The following NINL variants were observed in gnomAD, a reference collection of about 807,000 sequenced individuals.
NINL encodes ninein like, also known as ninein-like protein.
NINL carries 153 observed loss-of-function variants against 160.3 expected under a neutral mutation model. That is an observed-to-expected ratio of 0.95 (90% CI 0.84 to 1.09). NINL has a LOEUF of 1.09. NINL is among the 50% of genes least tolerant of loss of function. The pLI, the probability that NINL is intolerant of heterozygous loss-of-function variation, is 0.00. For synonymous variants in NINL, 800 were observed against 734.8 expected, an observed-to-expected ratio of 1.09 and a Z score of -1.43; for missense variants, 1,829 against 1,764.0, an observed-to-expected ratio of 1.04 and a Z score of -0.66.
At position 25,483,727 on chromosome 20, in the gene NINL, G is replaced by A. The variant is rs73597809; in HGVS notation, c.1678-1627C>T. ...TTGTGCTCCCACTTTAATGAACTAC[G>A]TCCTAACCAGTATGCTCAGTCACTT... On this transcript the variant is annotated intron_variant, in intron 13 of 23. Coordinates refer to ENST00000278886, the MANE Select transcript of NINL (RefSeq NM_025176.6). Among the ~76,000 whole-genome samples the A allele has an allele frequency of 1.0e-3, 159 of 152,370 alleles. 2 individuals are homozygous for A. The East Asian group carries it at 0.023, about 22-fold the overall frequency.
intron 10 of NINL, among the ~76,000 whole-genome samples, chr20:25,492,645 G>C (rs1030707830): frequency 6.6e-6 from 1 of 152,126 alleles, no homozygotes; most frequent in Non-Finnish European, 1.5e-5. Context: ...GTAGAGACGG[G>C]GTTTCACCAT....
chr20:25,506,538 G>GCACAT (rs1167305974), intron 5 of NINL, among the ~76,000 whole-genome samples: 1 of 152,150 alleles, frequency 6.6e-6, no homozygotes. Flanking sequence ...AAAATGTCAA[G>GCACAT]TCAAAGATGT....
At position 25,476,061 on chromosome 20, in the gene NINL, T is replaced by C; in HGVS notation, c.3230A>G (p.Asp1077Gly). 1 of 1,613,256 alleles carries C rather than the reference T, an allele frequency of 6.2e-7. No individual in the cohort carries two copies. Among genetic ancestry groups the C allele is most frequent in the Non-Finnish European group, 8.5e-7 (1 of 1,179,428 alleles). Reference protein sequence around the residue: ...DVVRALEKHVDLRENDRLEFH... With the variant: ...DVVRALEKHVGLRENDRLEFH... ...GGCAAACCTGTCGTTCTCTCTCAAA[T>C]CTACATGTTTCTCCAGAGCCCGGAC... Residue 1077 changes from aspartate to glycine, a missense_variant, in exon 17 of 24, where the codon GAT (aspartate) becomes GGT (glycine). Asp to Gly is a moderately conservative substitution (Grantham distance 94, BLOSUM62 -1). Transcript: ENST00000278886.
At chr20:25,538,473 C>T (rs2064600325) in intron 1 of NINL, among the ~76,000 whole-genome samples, 1 of 152,238 alleles carries the variant, frequency 6.6e-6, no homozygotes, top group Non-Finnish European at 1.5e-5. Context: ...CCAGCCTCCT[C>T]TGGGTAAGGA....
intron 3 of NINL, among the ~76,000 whole-genome samples, chr20:25,516,725 C>T (rs1480825899): frequency 6.6e-6 from 1 of 152,128 alleles, no homozygotes; most frequent in Non-Finnish European, 1.5e-5. Context: ...ATGCATATGG[C>T]TAGTGGGGGG....
rs1302972508 is a variant in NINL, at chr20:25,525,241, T to A, written c.180+1167A>T. 4.6e-5 allele frequency among the ~76,000 whole-genome samples: 7 copies of A among 152,244 alleles called. No individual in the cohort carries two copies. In the East Asian group the frequency reaches 1.4e-3, roughly 29 times the overall value. On this transcript the variant is annotated intron_variant, in intron 2 of 23. Coordinates refer to ENST00000278886, the MANE Select transcript of NINL (RefSeq NM_025176.6). The stretch of plus-strand genomic sequence containing the variant: ...GCTTCTTTGAGGAACTAACAAGAAG[T>A]CGGATTCAACCAGACTCTCTACTAG...
chr20:25,550,245 T>C (rs1421151486), intron 1 of NINL, among the ~76,000 whole-genome samples: 7 of 152,172 alleles, frequency 4.6e-5, no homozygotes, highest in African/African-American at 1.7e-4. Context: ...CATGGTGGCA[T>C]GTGCCTGTAT....
intron 2 of NINL, among the ~76,000 whole-genome samples, chr20:25,523,948 A>G (rs980350933): frequency 6.6e-6 from 1 of 152,200 alleles, no homozygotes; most frequent in African/African-American, 2.4e-5. Context: ...CCAGATATGT[A>G]GTATTTGAAC....
chr20:25,498,255 T>C lies in NINL; in HGVS notation c.1124A>G (p.Gln375Arg), dbSNP rs772789502. ...GTGGTAGCAGGCCAGGGCTGCCTGC[T>C]GGACGGCACTGTCCACTGTCATGAG... is the stretch of plus-strand genomic sequence containing the variant. The part of the protein sequence containing the change: ...NELMTVDSAV[Q>R]QAALACYHQE... The change falls in exon 9 of 24, where the codon CAG becomes CGG. Residue 375 changes from glutamine to arginine, a missense_variant. Physicochemically the swap from Gln to Arg is conservative, Grantham distance 43 (BLOSUM62 1). Transcript: ENST00000278886. 2.5e-6 allele frequency: 4 copies of C among 1,613,242 alleles called. No homozygotes were observed. Among genetic ancestry groups the C allele is most frequent in the Admixed American group, 1.7e-5 (1 of 60,020 alleles).
chr20:25,475,214 A>G (rs2063202363), intron 17 of NINL, among the ~76,000 whole-genome samples: 1 of 151,644 alleles, frequency 6.6e-6, no homozygotes, highest in Non-Finnish European at 1.5e-5. Flanking sequence ...GCACCACTGC[A>G]CTCCAGCCTG....
intron 1 of NINL, among the ~76,000 whole-genome samples, chr20:25,579,539 C>T (rs1302929863): frequency 6.6e-6 from 1 of 152,090 alleles, no homozygotes; most frequent in Admixed American, 6.5e-5. Context: ...GACCAGGCAC[C>T]CAAAAGCCTG....
intron 11 of NINL, among the ~76,000 whole-genome samples, chr20:25,490,487 G>A (rs2063605565): frequency 6.6e-6 from 1 of 151,698 alleles, no homozygotes; most frequent in African/African-American, 2.4e-5. Context: ...GGGAACCTGG[G>A]AGGCGGGGCT....
chr20:25,456,479 C>T (rs537736185), intron 22 of NINL, among the ~76,000 whole-genome samples: 33 of 149,904 alleles, frequency 2.2e-4, no homozygotes, highest in African/African-American at 6.1e-4. Context: ...ACCCAGGAGG[C>T]GGAGGTTGCA....
rs776018537 is a variant in NINL, at chr20:25,476,763, G to T, written c.2528C>A (p.Thr843Lys). 11 of 1,610,458 alleles carry T rather than the reference G, an allele frequency of 6.8e-6. No homozygotes were observed. Among genetic ancestry groups the T allele is most frequent in the Non-Finnish European group, 9.3e-6 (11 of 1,179,816 alleles). The change falls in exon 17 of 24, where the codon ACA becomes AAA. Residue 843 changes from threonine to lysine, a missense_variant. Physicochemically the swap from Thr to Lys is moderately conservative, Grantham distance 78. Coordinates refer to ENST00000278886, the MANE Select transcript of NINL (RefSeq NM_025176.6). ...CGGACGCAGTGGTAGGAGGCCACGT[G>T]TGCCCTCCTGGCCACTTCCTGCCAC... Reference protein sequence around the residue: ...GLVAGSGQEGTRGLLPLRPGC... With the variant: ...GLVAGSGQEGKRGLLPLRPGC...
Position 25,484,106 on chromosome 20 carries a change from C to T in NINL, c.1678-2006G>A, listed in dbSNP as rs567113808. On this transcript the variant is annotated intron_variant, in intron 13 of 23. Coordinates refer to ENST00000278886, the MANE Select transcript of NINL (RefSeq NM_025176.6). ...TGGAGAAGGGAGGCCCCAGCCCACA[C>T]GGCACATCATGCAATATACCCAGGT... Among the ~76,000 whole-genome samples, 4 of 152,334 alleles carry T rather than the reference C, an allele frequency of 2.6e-5. No homozygotes were observed. The South Asian group carries it at 6.2e-4, about 24-fold the overall frequency.
At position 25,500,829 on chromosome 20, in the gene NINL, C is replaced by T; in HGVS notation, c.1032+11G>A. ...TCCCCTGTCCAGCTTAGGCATCACC[C>T]AGTTCCAAACCTGCAAGATCTCCCT... On this transcript the variant is annotated intron_variant, in intron 8 of 23. Coordinates refer to ENST00000278886, the MANE Select transcript of NINL (RefSeq NM_025176.6). 1.2e-6 allele frequency: 2 copies of T among 1,611,480 alleles called. No homozygotes were observed. Among genetic ancestry groups the T allele is most frequent in the Non-Finnish European group, 1.7e-6 (2 of 1,178,634 alleles).
intron 1 of NINL, among the ~76,000 whole-genome samples, chr20:25,575,409 T>C (rs1432086773): frequency 8.4e-6 from 1 of 119,624 alleles, no homozygotes; most frequent in African/African-American, 3.4e-5. Context: ...ATTGCGCCAC[T>C]ACACTCCAGC....
chr20:25,557,480 G>A (rs542322127), intron 1 of NINL, among the ~76,000 whole-genome samples: 12 of 150,898 alleles, frequency 8.0e-5, no homozygotes, highest in African/African-American at 2.7e-4. Flanking sequence ...TCAGTGAGCC[G>A]AGATCACACC....
At chr20:25,458,843 G>A in intron 21 of NINL, 1 of 344,834 alleles carries the variant, frequency 2.9e-6, no homozygotes, top group Non-Finnish European at 5.3e-6. Flanking sequence ...CCTTGCTGGG[G>A]CCTGATTCTT....
Sources: allele counts gnomAD v4.1 joint callset (sites outside exome capture counted in the v4.1 genomes callset), GRCh38; gene constraint gnomAD v4.1.1; transcripts MANE v1.5; gene names NCBI Gene and HGNC (gene_info 2026-07-23, HGNC 2026-07-21).